Variants in MMP24 observed in about 807,000 individuals in gnomAD.
The protein encoded by MMP24 is matrix metalloproteinase-24.
A neutral mutation model predicts 62.8 loss-of-function variants in MMP24; 25 were observed. The observed-to-expected ratio is 0.40, with a 90% CI of 0.29 to 0.56. The LOEUF (loss-of-function observed/expected upper bound fraction) is 0.56. Ranked by LOEUF, MMP24 falls within the 20% of genes least tolerant of loss-of-function variation. The probability of loss-of-function intolerance (pLI) is 0.50; values close to 1 mark genes in which losing one functional copy is unlikely to be tolerated. For missense variants in MMP24, 634 were observed against 853.6 expected (o/e 0.74, Z 3.21); for synonymous variants, 319 against 350.5 (o/e 0.91, Z 1.00).
intron 1 of MMP24, among the ~76,000 whole-genome samples, chr20:35,227,390 G>C (rs1242262741): frequency 1.3e-5 from 2 of 151,864 alleles, no homozygotes. Flanking sequence ...GAAGGGGGAG[G>C]GGGAGGGCGG....
chr20:35,265,102 G>A (rs2060625969), intron 5 of MMP24, among the ~76,000 whole-genome samples: 1 of 152,328 alleles, frequency 6.6e-6, no homozygotes, highest in South Asian at 2.1e-4. Flanking sequence ...GACATGGGGT[G>A]AGAGGAAGGA....
At chr20:35,261,520 G>T (rs1363124136) in intron 4 of MMP24, among the ~76,000 whole-genome samples, 2 of 152,102 alleles carry the variant, frequency 1.3e-5, no homozygotes, top group Non-Finnish European at 2.9e-5. Context: ...TCCTACTCAG[G>T]AGCCCAAGCT....
intron 1 of MMP24, among the ~76,000 whole-genome samples, chr20:35,229,040 G>A (rs186214437): frequency 7.2e-5 from 11 of 152,268 alleles, no homozygotes; most frequent in Middle Eastern, 6.8e-3. Context: ...AATAGCTCCC[G>A]GAGCCTTTTC....
intron 4 of MMP24, among the ~76,000 whole-genome samples, chr20:35,260,386 G>A (rs148059325): frequency 3.0e-4 from 45 of 152,340 alleles, no homozygotes; most frequent in African/African-American, 1.0e-3. Flanking sequence ...ACAAGGCTGC[G>A]GACAAAGGTT....
At chr20:35,235,812 A>G (rs888259558) in intron 1 of MMP24, among the ~76,000 whole-genome samples, 1 of 152,130 alleles carries the variant, frequency 6.6e-6, no homozygotes, top group African/African-American at 2.4e-5. Context: ...CAGGGGACAG[A>G]AAATTAGCAG....
chr20:35,257,622 T>C (rs1302354956), intron 4 of MMP24, among the ~76,000 whole-genome samples: 2 of 152,174 alleles, frequency 1.3e-5, no homozygotes, highest in African/African-American at 2.4e-5. Flanking sequence ...CACCTGCTCC[T>C]TGCTTTTGCA....
chr20:35,266,830 G>T (rs922041684), intron 5 of MMP24, among the ~76,000 whole-genome samples: 2 of 152,086 alleles, frequency 1.3e-5, no homozygotes, highest in African/African-American at 4.8e-5. Context: ...CAGTTGGAGT[G>T]GGTGACGGGT....
chr20:35,269,972 A>G lies in MMP24; in HGVS notation c.1333+74A>G, dbSNP rs143377473. 1,486 of 1,528,592 alleles carry G rather than the reference A, an allele frequency of 9.7e-4. 26 individuals are homozygous for G. In the African/African-American group the frequency reaches 0.017, roughly 18 times the overall value. The allele number at this position is 1,528,592 out of a possible 1,614,324, so 94.7% of individuals were successfully genotyped here. A position where few individuals can be genotyped will look rare whatever the true frequency, so the allele number is the denominator to read the frequency against. ...CCTCCTTTTTCCCATCTAAACTGGA[A>G]GAGGCGGGGTGGGAGGCAGATGTCC... is the stretch of plus-strand genomic sequence containing the variant. On this transcript the variant is annotated intron_variant, in intron 7 of 8. Coordinates refer to ENST00000246186, the MANE Select transcript of MMP24 (RefSeq NM_006690.4). This position sits in a 1 kb window ranked among gnomAD's most constrained non-coding sequence, Gnocchi z 4.6.
In MMP24 at chr20:35,269,870, G is replaced by A. The variant is rs771161282; in HGVS notation, c.1305G>A (p.Arg435=). ...CCCGCATCGACGCAGCCTATGAAAG[G>A]GCCGATGGGAGATTTGTCTTCTTCA... The part of the protein sequence containing the change: ...LPARIDAAYE[R]ADGRFVFFKG... Residue 435 remains arginine (R), a synonymous_variant, in exon 7 of 9, where the codon AGG becomes AGA. Coordinates refer to ENST00000246186, the MANE Select transcript of MMP24 (RefSeq NM_006690.4). This position sits in a 1 kb window ranked among gnomAD's most constrained non-coding sequence, Gnocchi z 4.6. 1.2e-5 allele frequency: 18 copies of A among 1,552,132 alleles called. No individual in the cohort carries two copies. The South Asian group carries it at 2.0e-4, about 17-fold the overall frequency.
chr20:35,251,866 C>A, intron 2 of MMP24, 39 bp from the exon 3 acceptor site: 1 of 1,508,898 alleles, frequency 6.6e-7, no homozygotes, highest in Non-Finnish European at 9.2e-7. Context: ...TCAGTGACCA[C>A]AGTGCATATG....
At chr20:35,227,228 C>A (rs1305976727) in intron 1 of MMP24, among the ~76,000 whole-genome samples, 1 of 151,586 alleles carries the variant, frequency 6.6e-6, no homozygotes, top group East Asian at 2.0e-4. Context: ...GGGCGGGGGC[C>A]GAGCACGAGG....
At chr20:35,262,816 G>A (rs1306631327) in intron 4 of MMP24, 1 of 137,856 alleles carries the variant, frequency 7.3e-6, no homozygotes, top group African/African-American at 2.9e-5. Flanking sequence ...TGTGTCCCTG[G>A]GTACTTGAGA....
intron 5 of MMP24, among the ~76,000 whole-genome samples, chr20:35,266,747 T>C (rs2060637567): frequency 6.6e-6 from 1 of 152,220 alleles, no homozygotes. Context: ...ATCTGCATTT[T>C]AGCAACATCC....
At position 35,271,930 on chromosome 20, in the gene MMP24, G is replaced by C. The variant is rs1457564849; in HGVS notation, c.1600+95G>C. The C allele has an allele frequency of 5.0e-6, 7 of 1,392,598 alleles. No individual in the cohort carries two copies. Among genetic ancestry groups the C allele is most frequent in the Non-Finnish European group, 6.6e-6 (7 of 1,054,190 alleles). The allele number at this position is 1,392,598 out of a possible 1,614,324, so 86.3% of individuals were successfully genotyped here. A position where few individuals can be genotyped will look rare whatever the true frequency, so the allele number is the denominator to read the frequency against. ...CATACTCAGTGCCCATGGGCGTCCA[G>C]GTTTGAAAAAACACCTGGTGGCAGA... is the stretch of plus-strand genomic sequence containing the variant. On this transcript the variant is annotated intron_variant, in intron 8 of 8. Transcript: ENST00000246186. This position sits in a 1 kb window ranked among gnomAD's most constrained non-coding sequence, Gnocchi z 4.0.
At chr20:35,262,261 G>C (rs1267786453) in intron 4 of MMP24, among the ~76,000 whole-genome samples, 1 of 152,198 alleles carries the variant, frequency 6.6e-6, no homozygotes, top group Non-Finnish European at 1.5e-5. Flanking sequence ...TCACCATATG[G>C]AGGATCCCGC....
chr20:35,250,097 C>T lies in MMP24; in HGVS notation c.396-1808C>T, dbSNP rs189634605. 1.6e-4 allele frequency among the ~76,000 whole-genome samples: 25 copies of T among 152,088 alleles called. No individual in the cohort carries two copies. The East Asian group carries it at 4.2e-3, about 26-fold the overall frequency. ...CCTCCCTAGTAGCTGGGACTACAGG[C>T]ACATGCCACCATGCCTGGCTAATTT... On this transcript the variant is annotated intron_variant, in intron 2 of 8. Coordinates refer to ENST00000246186, the MANE Select transcript of MMP24 (RefSeq NM_006690.4).
chr20:35,248,307 T>G lies in MMP24; in HGVS notation c.395+1319T>G, dbSNP rs6088778. On this transcript the variant is annotated intron_variant, in intron 2 of 8. Transcript: ENST00000246186. ...CTCTAAATTCTAGATTCCCCCCCCC[T>G]TTTTTTTTTTTTTGATGAGATGAAG... 2.5e-3 allele frequency among the ~76,000 whole-genome samples: 297 copies of G among 120,244 alleles called. 1 individual carries two copies. Among genetic ancestry groups the G allele is most frequent in the African/African-American group, 0.012 (280 of 22,472 alleles). 78.9% of individuals were successfully genotyped at this position (120,244 alleles called of 152,430 possible).
rs2060656026 is a variant in MMP24 at position 35,269,624 on chromosome 20, T to G, written c.1195-136T>G. ...GAGCATCCTGTCTTCCTCCCAGGGC[T>G]TTAAAAGTCAGAAGCAGCTAATGGA... On this transcript the variant is annotated intron_variant, in intron 6 of 8. Transcript: ENST00000246186. The surrounding 1 kb of genome is among the most constrained non-coding windows in gnomAD (Gnocchi z 4.6). The G allele has an allele frequency of 4.5e-6, 5 of 1,099,336 alleles. No individual in the cohort carries two copies. Among genetic ancestry groups the G allele is most frequent in the Middle Eastern group, 3.0e-4 (1 of 3,292 alleles). The allele number at this position is 1,099,336 out of a possible 1,614,324, so 68.1% of individuals were successfully genotyped here.
At chr20:35,246,677 A>T (rs1464647309) in intron 1 of MMP24, among the ~76,000 whole-genome samples, 163 bp from the exon 2 acceptor site, 1 of 152,166 alleles carries the variant, frequency 6.6e-6, no homozygotes, top group Non-Finnish European at 1.5e-5. Context: ...CTGGAGATGA[A>T]TTTGACAGTG....
Sources: gnomAD v4.1 joint callset for allele counts (sites outside exome capture counted in the v4.1 genomes callset) on GRCh38, gnomAD v4.1.1 for gene constraint, Gnocchi (gnomAD v3.1) non-coding constraint, MANE v1.5 for transcripts, NCBI Gene and HGNC (gene_info 2026-07-23, HGNC 2026-07-21) for gene names.